The following CDK14 variants were observed in gnomAD, a reference collection of about 807,000 sequenced individuals.
CDK14 encodes cyclin-dependent kinase 14.
CDK14 carries 34 observed loss-of-function variants against 60.7 expected under a neutral mutation model. That is an observed-to-expected ratio of 0.56 (90% CI 0.43 to 0.75). The LOEUF (loss-of-function observed/expected upper bound fraction) is 0.75. Among genes scored for constraint, CDK14 ranks in the 30% least tolerant of loss-of-function variants. CDK14 has a pLI of 0.00. For synonymous variants in CDK14, 197 were observed against 203.7 expected (o/e 0.97, Z 0.28); for missense variants, 482 against 564.1 (o/e 0.85, Z 1.47).
chr7:90,875,212 T>C (rs1244587653), intron 6 of CDK14, among the ~76,000 whole-genome samples: 4 of 152,242 alleles, frequency 2.6e-5, no homozygotes, highest in African/African-American at 9.6e-5. Flanking sequence ...TAAGACTGAG[T>C]AATATTCCAT....
intron 5 of CDK14, among the ~76,000 whole-genome samples, chr7:90,805,858 A>T (rs1198014549): frequency 6.6e-6 from 1 of 152,188 alleles, no homozygotes; most frequent in Admixed American, 6.5e-5. Flanking sequence ...GAAAATGAAC[A>T]AAGTAGGAAG....
rs1798378294 is a variant in CDK14 at position 91,078,170 on chromosome 7, G to A, written c.1106-1262G>A. Among the ~76,000 whole-genome samples, 4 of 152,272 alleles carry A rather than the reference G, an allele frequency of 2.6e-5. No individual in the cohort carries two copies. The South Asian group carries it at 6.2e-4, about 24-fold the overall frequency. On this transcript the variant is annotated intron_variant, in intron 11 of 14. Transcript: ENST00000380050. ...CCAACAGAAATGAAAGCATCTGTAG[G>A]TAGAGAGACATGTACAAGGATATTT... is the stretch of plus-strand genomic sequence containing the variant.
chr7:91,174,036 T>G (rs1469773945), intron 14 of CDK14, among the ~76,000 whole-genome samples: 1 of 152,120 alleles, frequency 6.6e-6, no homozygotes, highest in Admixed American at 6.5e-5. Context: ...AGCAGTAACC[T>G]CCGCAGACTT....
At chr7:90,720,860 C>T (rs1483014637) in intron 2 of CDK14, among the ~76,000 whole-genome samples, 2 of 151,934 alleles carry the variant, frequency 1.3e-5, no homozygotes, top group East Asian at 3.9e-4. Flanking sequence ...AGAACAGCCA[C>T]GGTTACAGGA....
chr7:91,112,828 T>G (rs1799506612), intron 13 of CDK14, 147 bp downstream of exon 13: 1 of 717,034 alleles, frequency 1.4e-6, no homozygotes, highest in Admixed American at 2.7e-5. Flanking sequence ...TACAGGTGTG[T>G]GTGTGTGTGT....
chr7:91,066,523 T>C (rs1797985972), intron 11 of CDK14, among the ~76,000 whole-genome samples: 2 of 152,176 alleles, frequency 1.3e-5, no homozygotes, highest in South Asian at 4.2e-4. Flanking sequence ...TACAAAAACA[T>C]TGGTGAGAAG....
At position 91,148,529 on chromosome 7, in the gene CDK14, G is replaced by A. The variant is rs1001129319; in HGVS notation, c.*28+30321G>A. ...GTAATAGTTAGCATTGGTGCCTTAG[G>A]GTAAAAAGTGGAGTGCCCCTCTGAG... is the stretch of plus-strand genomic sequence containing the variant. On this transcript the variant is annotated intron_variant, in intron 14 of 14. Coordinates refer to ENST00000380050, the MANE Select transcript of CDK14 (RefSeq NM_001287135.2). Among the ~76,000 whole-genome samples, 97 of 152,284 alleles carry A rather than the reference G, an allele frequency of 6.4e-4. 1 individual carries two copies. The highest frequency in any genetic ancestry group is 7.1e-4 in the Non-Finnish European group (48 of 68,014).
intron 2 of CDK14, among the ~76,000 whole-genome samples, chr7:90,722,930 A>G (rs556975327): frequency 1.3e-5 from 2 of 152,360 alleles, no homozygotes; most frequent in South Asian, 4.1e-4. Context: ...CCTGAAGCCA[A>G]CAAATGACTT....
intron 9 of CDK14, among the ~76,000 whole-genome samples, chr7:90,963,680 G>GTTTTGT (rs1554392949): frequency 0.021 from 2,707 of 130,756 alleles, 85 homozygotes; most frequent in African/African-American, 0.073. Context: ...GAAGACAAAG[G>GTTTTGT]TTTTTTTTTT....
intron 2 of CDK14, among the ~76,000 whole-genome samples, chr7:90,680,253 C>T (rs1801286687): frequency 6.6e-6 from 1 of 152,076 alleles, no homozygotes; most frequent in African/African-American, 2.4e-5. Flanking sequence ...CAGTTTATAT[C>T]TGCCTCGGAC....
rs540594126 is a variant in CDK14, at chr7:91,171,293, T to G, written c.*29-35872T>G. On this transcript the variant is annotated intron_variant, in intron 14 of 14. Coordinates refer to ENST00000380050, the MANE Select transcript of CDK14 (RefSeq NM_001287135.2). ...TGAACCCGGGAGGTGGAGCTTGCAG[T>G]GAGCCGAGATCGCGCCACTGCACTC... Among the ~76,000 whole-genome samples the G allele has an allele frequency of 2.6e-5, 4 of 151,974 alleles. No individual in the cohort carries two copies. In the East Asian group the frequency reaches 7.9e-4, roughly 30 times the overall value.
intron 2 of CDK14, among the ~76,000 whole-genome samples, chr7:90,618,513 AGGTGCTGGGTCC>A (rs1799698622): frequency 6.6e-6 from 1 of 152,126 alleles, no homozygotes; most frequent in South Asian, 2.1e-4. Context: ...TTCATGACCC[AGGTGCTGGGTCC>A]AGTGAATGAA....
intron 9 of CDK14, among the ~76,000 whole-genome samples, chr7:90,976,426 G>A (rs1795074180): frequency 6.6e-6 from 1 of 152,124 alleles, no homozygotes; most frequent in Admixed American, 6.6e-5. Context: ...TGCAATCATA[G>A]CTCATTGCAG....
intron 8 of CDK14, among the ~76,000 whole-genome samples, chr7:90,951,257 A>G (rs2117549212): frequency 6.6e-6 from 1 of 152,266 alleles, no homozygotes; most frequent in South Asian, 2.1e-4. Flanking sequence ...ACTAAGAGCA[A>G]GACTTTTTTT....
chr7:90,835,647 C>T, intron 5 of CDK14, among the ~76,000 whole-genome samples: 1 of 152,200 alleles, frequency 6.6e-6, no homozygotes, highest in East Asian at 1.9e-4. Context: ...CCTCCTCCTG[C>T]TCCTCTCTCA....
chr7:90,840,653 T>C (rs898349418), intron 5 of CDK14, among the ~76,000 whole-genome samples: 8 of 152,234 alleles, frequency 5.3e-5, no homozygotes, highest in African/African-American at 1.7e-4. Context: ...AATATGGTAG[T>C]TCTGGAAGAG....
intron 7 of CDK14, among the ~76,000 whole-genome samples, chr7:90,912,783 A>AT (rs368495451): frequency 3.6e-4 from 55 of 151,052 alleles, no homozygotes; most frequent in East Asian, 5.9e-4. Context: ...AAGTTTTTCT[A>AT]TTTTTTTTGG....
At chr7:91,095,286 A>G (rs1391483191) in intron 12 of CDK14, among the ~76,000 whole-genome samples, 1 of 152,192 alleles carries the variant, frequency 6.6e-6, no homozygotes. Flanking sequence ...CTCAGTTCAT[A>G]TTTGTTGAAG....
At chr7:90,961,360 T>A (rs560548142) in intron 9 of CDK14, among the ~76,000 whole-genome samples, 146 of 152,130 alleles carry the variant, frequency 9.6e-4, no homozygotes, top group Middle Eastern at 3.4e-3. Context: ...AAGAGTTTTT[T>A]AAAAAAAATA....
Sources: gnomAD v4.1 joint callset for allele counts (sites outside exome capture counted in the v4.1 genomes callset) on GRCh38, gnomAD v4.1.1 for gene constraint, MANE v1.5 for transcripts, NCBI Gene and HGNC (gene_info 2026-07-23, HGNC 2026-07-21) for gene names.